ANO10: variants seen among roughly 807,000 people sequenced by gnomAD.
ANO10 encodes anoctamin 10, also known as anoctamin-10.
A neutral mutation model predicts 74.7 loss-of-function variants in ANO10; 77 were observed. The observed-to-expected ratio is 1.03, with a 90% confidence interval of 0.86 to 1.25. The LOEUF (loss-of-function observed/expected upper bound fraction) is 1.25. Ranked by LOEUF, ANO10 falls within the 50% of genes most tolerant of loss-of-function variation. ANO10 has a pLI of 0.00. For missense variants in ANO10, 721 were observed against 778.1 expected, an observed-to-expected ratio of 0.93 and a Z score of 0.87; for synonymous variants, 279 against 284.9, an observed-to-expected ratio of 0.98 and a Z score of 0.21.
intron 1 of ANO10, among the ~76,000 whole-genome samples, chr3:43,677,147 C>T (rs1255789636): frequency 6.6e-6 from 1 of 152,174 alleles, no homozygotes; most frequent in Non-Finnish European, 1.5e-5. Flanking sequence ...CCATGGAATA[C>T]TATGCAGCCC....
At chr3:43,668,285 T>A (rs745595892) in intron 1 of ANO10, among the ~76,000 whole-genome samples, 4 of 152,142 alleles carry the variant, frequency 2.6e-5, no homozygotes, top group Non-Finnish European at 5.9e-5. Flanking sequence ...GGGATTGTTT[T>A]TTTTTTCTTG....
At chr3:43,535,423 G>T (rs376692249) in intron 11 of ANO10, among the ~76,000 whole-genome samples, 1 of 151,742 alleles carries the variant, frequency 6.6e-6, no homozygotes, top group Non-Finnish European at 1.5e-5. Context: ...CTACAGGCAC[G>T]TGCCACCATA....
At chr3:43,424,862 G>T (rs1004464015) in intron 12 of ANO10, 8 of 152,186 alleles carry the variant, frequency 5.3e-5, no homozygotes, top group African/African-American at 1.9e-4. Flanking sequence ...CCTTTGGGTG[G>T]TGACAGGGCT....
At chr3:43,511,519 C>T (rs774234980) in intron 11 of ANO10, among the ~76,000 whole-genome samples, 3 of 152,128 alleles carry the variant, frequency 2.0e-5, no homozygotes, top group African/African-American at 7.2e-5. Flanking sequence ...TCTTTCTTCA[C>T]GTGTAAATCA....
intron 11 of ANO10, among the ~76,000 whole-genome samples, chr3:43,509,986 TGA>T (rs2077449289): frequency 6.6e-6 from 1 of 152,156 alleles, no homozygotes; most frequent in South Asian, 2.1e-4. Flanking sequence ...ATAACATTTT[TGA>T]GAGACAAAAT....
chr3:43,447,006 G>A (rs1443348470), intron 11 of ANO10, among the ~76,000 whole-genome samples: 3 of 152,114 alleles, frequency 2.0e-5, no homozygotes, highest in African/African-American at 4.8e-5. Context: ...TATAAAAGGA[G>A]CATACAGAAA....
At chr3:43,485,101 G>A (rs1040124757) in intron 11 of ANO10, 8 of 1,043,816 alleles carry the variant, frequency 7.7e-6, no homozygotes, top group Admixed American at 1.8e-5. Context: ...GGCACTTGCT[G>A]GCTGCGATCA....
intron 11 of ANO10, among the ~76,000 whole-genome samples, chr3:43,534,394 T>C (rs1329034953): frequency 6.6e-6 from 1 of 152,204 alleles, no homozygotes; most frequent in Admixed American, 6.5e-5. Flanking sequence ...ATGATTGAAA[T>C]GGCCATCTGA....
At position 43,621,987 on chromosome 3, in the gene ANO10, G is replaced by A. The variant is rs565644253; in HGVS notation, c.-90C>T. ...CCGGAGGCCGGGCGAAAGAGTGCTC[G>A]GTGCGGGGGGCGGGCCAGGCCAGTG... is the stretch of plus-strand genomic sequence containing the variant. On this transcript the variant is annotated 5_prime_UTR_variant, in exon 1 of 13. Transcript: ENST00000292246. The A allele has an allele frequency of 0.011, 1,663 of 152,614 alleles. 18 individuals are homozygous for A. Among genetic ancestry groups the A allele is most frequent in the African/African-American group, 0.025 (1,026 of 41,574 alleles). 9.5% of individuals were successfully genotyped at this position (152,614 alleles called of 1,614,324 possible).
At chr3:43,452,870 C>G (rs2074941083) in intron 11 of ANO10, among the ~76,000 whole-genome samples, 1 of 152,182 alleles carries the variant, frequency 6.6e-6, no homozygotes, top group African/African-American at 2.4e-5. Flanking sequence ...TTGTTTATAT[C>G]TATGCTAATG....
At chr3:43,462,946 C>T (rs969710955) in intron 11 of ANO10, among the ~76,000 whole-genome samples, 2 of 152,208 alleles carry the variant, frequency 1.3e-5, no homozygotes, top group African/African-American at 4.8e-5. Flanking sequence ...AGGCTGTGAG[C>T]ACACAGAAGT....
At chr3:43,504,185 T>C (rs898241290) in intron 11 of ANO10, among the ~76,000 whole-genome samples, 2 of 152,148 alleles carry the variant, frequency 1.3e-5, no homozygotes, top group African/African-American at 2.4e-5. Flanking sequence ...GGAGAATCAC[T>C]TGAACCCAGG....
At chr3:43,517,111 A>G (rs1192743334) in intron 11 of ANO10, among the ~76,000 whole-genome samples, 1 of 152,224 alleles carries the variant, frequency 6.6e-6, no homozygotes, top group Non-Finnish European at 1.5e-5. Flanking sequence ...TTAACTAATC[A>G]GTACATTTTT....
chr3:43,673,809 T>C (rs934719350), intron 1 of ANO10, among the ~76,000 whole-genome samples: 2 of 152,136 alleles, frequency 1.3e-5, no homozygotes, highest in African/African-American at 4.8e-5. Context: ...TTTCTGGGGC[T>C]GGGGAACATG....
At chr3:43,421,597 G>T (rs570996925) in intron 12 of ANO10, among the ~76,000 whole-genome samples, 1 of 152,224 alleles carries the variant, frequency 6.6e-6, no homozygotes, top group Non-Finnish European at 1.5e-5. Context: ...GGCCCAGGTG[G>T]GCAGATCACT....
intron 11 of ANO10, among the ~76,000 whole-genome samples, chr3:43,525,983 A>G (rs1270186738): frequency 2.6e-5 from 4 of 152,222 alleles, no homozygotes; most frequent in Non-Finnish European, 4.4e-5. Context: ...CAGAGTCATT[A>G]TTCTATCTTC....
chr3:43,690,961 A>C (rs776320645), intron 1 of ANO10: 1 of 1,557,224 alleles, frequency 6.4e-7, no homozygotes, highest in Non-Finnish European at 8.6e-7. Context: ...GCCGGCTTCG[A>C]GATAAGTCCC....
intron 7 of ANO10, 95 bp from the exon 8 acceptor site, chr3:43,565,822 C>T (rs1033179881): frequency 2.5e-5 from 34 of 1,362,246 alleles, no homozygotes; most frequent in Non-Finnish European, 2.7e-5. Context: ...GTAATGGGAG[C>T]GGGGAGGAGC....
intron 11 of ANO10, among the ~76,000 whole-genome samples, chr3:43,435,010 T>C (rs1026725360): frequency 1.3e-5 from 2 of 152,226 alleles, no homozygotes; most frequent in East Asian, 1.9e-4. Context: ...CTTTACTCTT[T>C]AATGGACATG....
Sources: gnomAD v4.1 joint callset for allele counts (sites outside exome capture counted in the v4.1 genomes callset) on GRCh38, gnomAD v4.1.1 for gene constraint, MANE v1.5 for transcripts, NCBI Gene and HGNC (gene_info 2026-07-23, HGNC 2026-07-21) for gene names.